XKR6: variants seen among roughly 807,000 people sequenced by gnomAD.
The protein encoded by XKR6 is XK related 6.
A neutral mutation model predicts 56.7 loss-of-function variants in XKR6; 22 were observed. That is an observed-to-expected ratio of 0.39 (90% CI 0.28 to 0.55). The LOEUF (loss-of-function observed/expected upper bound fraction) is 0.55. XKR6 is among the 20% of genes least tolerant of loss of function. The pLI, the probability that XKR6 is intolerant of heterozygous loss-of-function variation, is 0.66. For missense variants in XKR6, 852 were observed against 889.0 expected (o/e 0.96, Z 0.53); for synonymous variants, 524 against 387.8 (o/e 1.35, Z -4.13).
intron 1 of XKR6, among the ~76,000 whole-genome samples, chr8:11,081,511 T>A (rs1797721150): frequency 6.6e-6 from 1 of 152,256 alleles, no homozygotes; most frequent in Non-Finnish European, 1.5e-5. Flanking sequence ...TTTAATTCAT[T>A]TTAATCGAGA....
chr8:11,050,969 T>C (rs1391519110), intron 1 of XKR6, among the ~76,000 whole-genome samples: 3 of 152,290 alleles, frequency 2.0e-5, no homozygotes, highest in Non-Finnish European at 4.4e-5. Flanking sequence ...CCTCCAGCTA[T>C]GGCCCTTAAT....
chr8:10,975,638 C>A (rs1244042442), intron 1 of XKR6, among the ~76,000 whole-genome samples: 1 of 152,224 alleles, frequency 6.6e-6, no homozygotes, highest in African/African-American at 2.4e-5. Context: ...ATGGAGACAT[C>A]TGTCCCAGTG....
chr8:10,948,934 C>G (rs1801632238), intron 1 of XKR6, among the ~76,000 whole-genome samples: 1 of 152,188 alleles, frequency 6.6e-6, no homozygotes, highest in African/African-American at 2.4e-5. Context: ...CCCAAATCTT[C>G]AGGTGATCGT....
At chr8:11,108,948 G>T (rs543596034) in intron 1 of XKR6, 1 of 152,260 alleles carries the variant, frequency 6.6e-6, no homozygotes, top group Non-Finnish European at 1.5e-5. Flanking sequence ...AAGAACCATT[G>T]TTTCGGGCTC....
At chr8:10,947,281 G>A (rs1020786814) in intron 1 of XKR6, among the ~76,000 whole-genome samples, 11 of 152,170 alleles carry the variant, frequency 7.2e-5, no homozygotes, top group African/African-American at 2.2e-4. Flanking sequence ...GCCATTCACC[G>A]GGATGAACCG....
In XKR6 at chr8:11,200,758, G is replaced by T; in HGVS notation, c.582C>A (p.Gly194=). The change falls in exon 1 of 3, where the codon GGC becomes GGA. Residue 194 remains glycine, a synonymous_variant. Transcript: ENST00000416569. The surrounding 1 kb of genome is among the most constrained non-coding windows in gnomAD (Gnocchi z 6.4). ...CCCGGCTGGTGAGCCCCTCCACGGC[G>T]CCCAGCCCGCCGCCCGTGTAGTCCT... ...FVQDYTGGGL[G]AVEGLTSRGP... 1 of 1,597,978 alleles carries T rather than the reference G, an allele frequency of 6.3e-7. No individual in the cohort carries two copies. Among genetic ancestry groups the T allele is most frequent in the Non-Finnish European group, 8.5e-7 (1 of 1,174,210 alleles).
At chr8:11,002,739 T>C (rs1290038827) in intron 1 of XKR6, among the ~76,000 whole-genome samples, 1 of 152,212 alleles carries the variant, frequency 6.6e-6, no homozygotes, top group Non-Finnish European at 1.5e-5. Context: ...TCCACCACCA[T>C]CATAGACAAG....
At chr8:11,031,792 A>T (rs1798999923) in intron 1 of XKR6, among the ~76,000 whole-genome samples, 1 of 152,266 alleles carries the variant, frequency 6.6e-6, no homozygotes, top group African/African-American at 2.4e-5. Context: ...GACTTTATTC[A>T]CATGGCCCTG....
At chr8:11,027,510 C>T (rs149710030) in intron 1 of XKR6, among the ~76,000 whole-genome samples, 5 of 152,196 alleles carry the variant, frequency 3.3e-5, no homozygotes, top group African/African-American at 1.2e-4. Context: ...TTCTCACCAC[C>T]ATGCTACAAA....
In XKR6 at chr8:10,920,153, A is replaced by C. The variant is rs572916343; in HGVS notation, c.961+4481T>G. Among the ~76,000 whole-genome samples the C allele has an allele frequency of 2.0e-5, 3 of 152,278 alleles. No individual in the cohort carries two copies. The South Asian group carries it at 6.2e-4, about 32-fold the overall frequency. Reference sequence around the variant, plus strand: ...ATCTTTCCAAGCATCTACTAGCCCTAATGGTATACAGTGGACAAGAGTCAT... The same window carrying C: ...ATCTTTCCAAGCATCTACTAGCCCTCATGGTATACAGTGGACAAGAGTCAT... On this transcript the variant is annotated intron_variant, in intron 2 of 2. Coordinates refer to ENST00000416569, the MANE Select transcript of XKR6 (RefSeq NM_173683.4).
intron 1 of XKR6, among the ~76,000 whole-genome samples, chr8:11,166,048 T>A (rs1023321696): frequency 2.6e-5 from 4 of 151,310 alleles, no homozygotes; most frequent in African/African-American, 9.7e-5. Context: ...CTCCACCTCC[T>A]GGATTCAAGC....
intron 1 of XKR6, chr8:11,108,279 C>T (rs1184075510): frequency 1.1e-5 from 5 of 456,024 alleles, no homozygotes; most frequent in Admixed American, 4.7e-5. Flanking sequence ...TGAATCTTGA[C>T]CATTTTCCTG....
At chr8:11,066,680 A>G (rs1000842303) in intron 1 of XKR6, among the ~76,000 whole-genome samples, 2 of 152,202 alleles carry the variant, frequency 1.3e-5, no homozygotes, top group African/African-American at 2.4e-5. Flanking sequence ...AGAGTTTACA[A>G]ATCACATTCT....
In XKR6 at chr8:10,979,122, A is replaced by C. The variant is rs6993162; in HGVS notation, c.765-54292T>G. 2.6e-3 allele frequency among the ~76,000 whole-genome samples: 390 copies of C among 151,540 alleles called. 2 individuals carry two copies. The highest frequency in any genetic ancestry group is 4.1e-3 in the Non-Finnish European group (278 of 67,848). On this transcript the variant is annotated intron_variant, in intron 1 of 2. Coordinates refer to ENST00000416569, the MANE Select transcript of XKR6 (RefSeq NM_173683.4). ...CTTGCAGTCTTCCCTGAATCCCCCA[A>C]TGAGAAAGAGCTCACTGTCCCTAGG... is the stretch of plus-strand genomic sequence containing the variant.
At chr8:11,074,280 T>C (rs1328453628) in intron 1 of XKR6, among the ~76,000 whole-genome samples, 2 of 152,188 alleles carry the variant, frequency 1.3e-5, no homozygotes, top group Non-Finnish European at 2.9e-5. Context: ...AGTGTGCCGT[T>C]TCCCGGCCTT....
At chr8:11,168,987 C>G (rs1328137078) in intron 1 of XKR6, among the ~76,000 whole-genome samples, 1 of 152,206 alleles carries the variant, frequency 6.6e-6, no homozygotes, top group African/African-American at 2.4e-5. Flanking sequence ...TGCCAAGCCT[C>G]TATGAATCAT....
At chr8:11,058,746 G>C (rs1208495794) in intron 1 of XKR6, among the ~76,000 whole-genome samples, 1 of 152,150 alleles carries the variant, frequency 6.6e-6, no homozygotes, top group African/African-American at 2.4e-5. Flanking sequence ...TGCGGGGCTT[G>C]AAACCTAGAT....
intron 1 of XKR6, among the ~76,000 whole-genome samples, chr8:11,045,117 C>T (rs1360674174): frequency 7.5e-5 from 8 of 105,986 alleles, no homozygotes; most frequent in Non-Finnish European, 1.0e-4. Flanking sequence ...GAGGAAGTGT[C>T]GCTCTGTCGC....
intron 1 of XKR6, among the ~76,000 whole-genome samples, chr8:11,189,348 T>C (rs760278704): frequency 3.9e-5 from 6 of 152,224 alleles, no homozygotes; most frequent in Non-Finnish European, 7.3e-5. Context: ...AGAAAGAAGC[T>C]TTTGGATCAA....
Sources: allele counts gnomAD v4.1 joint callset (sites outside exome capture counted in the v4.1 genomes callset), GRCh38; gene constraint gnomAD v4.1.1; non-coding constraint Gnocchi (gnomAD v3.1); transcripts MANE v1.5; gene names NCBI Gene and HGNC (gene_info 2026-07-23, HGNC 2026-07-21).